The following PDK1 variants were observed in gnomAD, a reference collection of about 807,000 sequenced individuals.
PDK1 encodes the protein [Pyruvate dehydrogenase (acetyl-transferring)] kinase isozyme 1, mitochondrial.
A neutral mutation model predicts 54.2 loss-of-function variants in PDK1; 39 were observed. That is an observed-to-expected ratio of 0.72 (90% CI 0.56 to 0.94). PDK1 has a LOEUF of 0.94. Ranked by LOEUF, PDK1 falls within the 40% of genes least tolerant of loss-of-function variation. The pLI is 0.00. For synonymous variants in PDK1, 221 were observed against 207.1 expected, an observed-to-expected ratio of 1.07 and a Z score of -0.58; for missense variants, 552 against 566.0, an observed-to-expected ratio of 0.98 and a Z score of 0.25.
At chr2:172,712,528 C>T in the PDK1 span, among the ~76,000 whole-genome samples, 15 of 152,292 alleles carry the variant, frequency 9.8e-5, no homozygotes, top group African/African-American at 3.4e-4. Flanking sequence ...ATGCTAGCTG[C>T]GGTGGGGTGG....
In PDK1 at chr2:172,596,173, C is replaced by T. The variant is rs555694622; in HGVS notation, c.*204C>T. On this transcript the variant is annotated 3_prime_UTR_variant, in exon 11 of 11. Transcript: ENST00000282077. Reference sequence around the variant, plus strand: ...CACCTATTTTACACTTATATTTTCACAGTTAATTGAACATATTTTTAAACA... The same window carrying T: ...CACCTATTTTACACTTATATTTTCATAGTTAATTGAACATATTTTTAAACA... 7.5e-5 allele frequency: 31 copies of T among 415,852 alleles called. No individual in the cohort carries two copies. Among genetic ancestry groups the T allele is most frequent in the Middle Eastern group, 6.5e-4 (1 of 1,534 alleles). The allele number at this position is 415,852 out of a possible 1,614,324, so 25.8% of individuals were successfully genotyped here.
chr2:172,618,984 C>T, the PDK1 span, among the ~76,000 whole-genome samples: 2 of 152,266 alleles, frequency 1.3e-5, no homozygotes, highest in South Asian at 2.1e-4. Context: ...TTAGATGCAT[C>T]GACCCTATAG....
At chr2:172,591,783 A>G (rs180840191) in intron 9 of PDK1, among the ~76,000 whole-genome samples, 94 of 152,342 alleles carry the variant, frequency 6.2e-4, no homozygotes, top group South Asian at 2.3e-3. Flanking sequence ...TGGAATTTCA[A>G]TTATTCCTTG....
At chr2:172,612,474 G>GA, downstream of PDK1, among the ~76,000 whole-genome samples, 1 of 148,314 alleles carries the variant, frequency 6.7e-6, no homozygotes, top group East Asian at 2.0e-4. Context: ...TAGAAGGTTT[G>GA]TTTTTTTTTT....
chr2:172,622,868 TATG>T, the PDK1 span, among the ~76,000 whole-genome samples: 26 of 147,720 alleles, frequency 1.8e-4, no homozygotes, highest in Middle Eastern at 3.6e-3. Flanking sequence ...TGTAATATAA[TATG>T]ATATATGTTT....
the PDK1 span, among the ~76,000 whole-genome samples, chr2:172,650,738 T>C: frequency 6.6e-6 from 1 of 152,112 alleles, no homozygotes; most frequent in Non-Finnish European, 1.5e-5. Flanking sequence ...CAAAGAAGGC[T>C]ATTACATGAT....
the PDK1 span, among the ~76,000 whole-genome samples, chr2:172,682,995 T>C: frequency 6.6e-6 from 1 of 152,078 alleles, no homozygotes; most frequent in Admixed American, 6.6e-5. Flanking sequence ...AGTGAGGTGA[T>C]GGAACAGGCT....
At chr2:172,668,932 GAGAGAGAAAGAGA>G in the PDK1 span, among the ~76,000 whole-genome samples, 3 of 141,670 alleles carry the variant, frequency 2.1e-5, no homozygotes, top group Non-Finnish European at 3.1e-5. Flanking sequence ...GAGAGAGAGA[GAGAGAGAAAGAGA>G]GAGAGACGGA....
chr2:172,690,394 C>T, the PDK1 span, among the ~76,000 whole-genome samples: 5 of 150,374 alleles, frequency 3.3e-5, no homozygotes, highest in Non-Finnish European at 7.4e-5. Flanking sequence ...CACTTTTACA[C>T]TGTTGGTGGG....
the PDK1 span, among the ~76,000 whole-genome samples, chr2:172,690,135 A>T: frequency 6.6e-6 from 1 of 150,494 alleles, no homozygotes; most frequent in African/African-American, 2.4e-5. Context: ...ATCTACAAAG[A>T]ATTCAAACAA....
At chr2:172,722,637 T>A in the PDK1 span, among the ~76,000 whole-genome samples, 4 of 152,158 alleles carry the variant, frequency 2.6e-5, no homozygotes, top group African/African-American at 9.6e-5. Flanking sequence ...AAAAGAACAC[T>A]GTGATTAATT....
At chr2:172,699,332 A>C in the PDK1 span, among the ~76,000 whole-genome samples, 22 of 152,262 alleles carry the variant, frequency 1.4e-4, no homozygotes, top group Non-Finnish European at 2.6e-4. Flanking sequence ...GGAAACCTCA[A>C]CTGAGTAAAA....
the PDK1 span, among the ~76,000 whole-genome samples, chr2:172,721,182 G>T: frequency 6.6e-6 from 1 of 152,204 alleles, no homozygotes; most frequent in African/African-American, 2.4e-5. Flanking sequence ...AGACGCCTTG[G>T]ATTTCAAGCT....
chr2:172,625,905 G>A, the PDK1 span, among the ~76,000 whole-genome samples: 1 of 152,140 alleles, frequency 6.6e-6, no homozygotes, highest in African/African-American at 2.4e-5. Flanking sequence ...GAATGAATCA[G>A]TGACAAAGAG....
At chr2:172,676,589 G>A in the PDK1 span, among the ~76,000 whole-genome samples, 1 of 152,186 alleles carries the variant, frequency 6.6e-6, no homozygotes, top group African/African-American at 2.4e-5. Flanking sequence ...TTGAACAGAT[G>A]GGGAGTTACT....
the PDK1 span, among the ~76,000 whole-genome samples, chr2:172,690,387 T>G: frequency 6.7e-6 from 1 of 150,328 alleles, no homozygotes; most frequent in East Asian, 2.1e-4. Flanking sequence ...ATTGGAACAC[T>G]TTTACACTGT....
At chr2:172,667,296 C>T in the PDK1 span, among the ~76,000 whole-genome samples, 1 of 152,188 alleles carries the variant, frequency 6.6e-6, no homozygotes, top group African/African-American at 2.4e-5. Context: ...GCAGAAGGAA[C>T]AGGCAAGACA....
chr2:172,705,317 A>G, the PDK1 span, among the ~76,000 whole-genome samples: 1 of 152,222 alleles, frequency 6.6e-6, no homozygotes, highest in Admixed American at 6.5e-5. Flanking sequence ...CTTCCTATAG[A>G]TTGATCTTCT....
intron 1 of PDK1, 143 bp downstream of exon 1, chr2:172,556,489 GGTGC>G (rs1688333506): frequency 1.9e-6 from 1 of 529,622 alleles, no homozygotes; most frequent in African/African-American, 2.0e-5. Context: ...CAGCGCCTTA[GGTGC>G]TTCCTTCCTC....
Sources: allele counts gnomAD v4.1 joint callset (sites outside exome capture counted in the v4.1 genomes callset), GRCh38; gene constraint gnomAD v4.1.1; transcripts MANE v1.5; gene names NCBI Gene and HGNC (gene_info 2026-07-23, HGNC 2026-07-21).